The following KCNIP1 variants were observed in gnomAD, a reference collection of about 807,000 sequenced individuals.
KCNIP1 encodes the protein A-type potassium channel modulatory protein KCNIP1.
In KCNIP1, 18 loss-of-function variants were observed where a neutral mutation model predicts 33.0. The ratio of observed to expected loss-of-function variants is 0.55; its 90% CI spans 0.38 to 0.81. KCNIP1 has a LOEUF of 0.81. KCNIP1 is among the 30% of genes least tolerant of loss of function. The pLI is 0.00. For synonymous variants in KCNIP1, 93 were observed against 98.3 expected, an observed-to-expected ratio of 0.95 and a Z score of 0.32; for missense variants, 238 against 271.6, an observed-to-expected ratio of 0.88 and a Z score of 0.87.
At chr5:170,523,242 G>A (rs1033916322) in intron 1 of KCNIP1, among the ~76,000 whole-genome samples, 6 of 152,186 alleles carry the variant, frequency 3.9e-5, no homozygotes, top group Non-Finnish European at 7.3e-5. Flanking sequence ...CCTCGGCCAG[G>A]GACTGCACTC....
intron 1 of KCNIP1, among the ~76,000 whole-genome samples, chr5:170,654,314 T>C (rs569004380): frequency 2.4e-4 from 36 of 152,288 alleles, no homozygotes; most frequent in Admixed American, 5.2e-4. Context: ...TTCAGGGCCA[T>C]GGGGGATGCT....
At chr5:170,452,897 C>T (rs1427246487) in intron 1 of KCNIP1, among the ~76,000 whole-genome samples, 2 of 152,086 alleles carry the variant, frequency 1.3e-5, no homozygotes, top group African/African-American at 4.8e-5. Context: ...ATCGCTGGAT[C>T]GTTCACAGAT....
intron 1 of KCNIP1, among the ~76,000 whole-genome samples, chr5:170,391,210 G>A (rs1217924334): frequency 2.0e-5 from 3 of 152,142 alleles, no homozygotes; most frequent in Non-Finnish European, 4.4e-5. Context: ...GAAATGCCAG[G>A]CCCCCCTCCT....
chr5:170,726,438 G>T (rs1434934194), intron 5 of KCNIP1, among the ~76,000 whole-genome samples: 1 of 152,118 alleles, frequency 6.6e-6, no homozygotes, highest in African/African-American at 2.4e-5. Context: ...AAATACAATT[G>T]CACAGAATGG....
At chr5:170,456,018 A>C (rs1756362147) in intron 1 of KCNIP1, among the ~76,000 whole-genome samples, 1 of 152,248 alleles carries the variant, frequency 6.6e-6, no homozygotes, top group Non-Finnish European at 1.5e-5. Flanking sequence ...ACATATATTT[A>C]TTGAGGCACT....
At chr5:170,432,797 C>A (rs1319955282) in intron 1 of KCNIP1, among the ~76,000 whole-genome samples, 3 of 152,072 alleles carry the variant, frequency 2.0e-5, no homozygotes, top group Non-Finnish European at 4.4e-5. Flanking sequence ...AATTAATATC[C>A]CCATTTTACA....
chr5:170,366,994 G>T (rs1325866216), intron 1 of KCNIP1, among the ~76,000 whole-genome samples: 1 of 152,184 alleles, frequency 6.6e-6, no homozygotes, highest in Non-Finnish European at 1.5e-5. Flanking sequence ...CTGTGAACTT[G>T]TTGGAAGGGC....
chr5:170,707,756 C>T (rs1217498545), intron 1 of KCNIP1, among the ~76,000 whole-genome samples: 1 of 152,010 alleles, frequency 6.6e-6, no homozygotes, highest in East Asian at 1.9e-4. Context: ...ATCTTGAAAA[C>T]TCCATCTAAT....
rs78115829 is a variant in KCNIP1, at chr5:170,511,770, A to C, written c.61+7137A>C. Among the ~76,000 whole-genome samples, 4 of 152,368 alleles carry C rather than the reference A, an allele frequency of 2.6e-5. No individual in the cohort carries two copies. In the East Asian group the frequency reaches 7.7e-4, roughly 29 times the overall value. Reference sequence around the variant, plus strand: ...AAAGGGAAGTGCCTTACTAAGGGTCATAGAGCTTGGGAATCGCAGAGCCTG... The same window carrying C: ...AAAGGGAAGTGCCTTACTAAGGGTCCTAGAGCTTGGGAATCGCAGAGCCTG... On this transcript the variant is annotated intron_variant, in intron 1 of 7. Transcript: ENST00000328939.
chr5:170,478,921 AG>A (rs1756916201), intron 1 of KCNIP1, among the ~76,000 whole-genome samples: 1 of 150,130 alleles, frequency 6.7e-6, no homozygotes, highest in Admixed American at 6.6e-5. Context: ...AAAAAAAAAA[AG>A]GTTGGCCATA....
intron 1 of KCNIP1, among the ~76,000 whole-genome samples, chr5:170,589,787 G>GGT (rs1758154204): frequency 2.8e-5 from 4 of 141,926 alleles, no homozygotes; most frequent in African/African-American, 8.5e-5. Flanking sequence ...GGTGTGATGT[G>GGT]ATGTGGTGTG....
At chr5:170,388,088 C>A (rs314108) in intron 1 of KCNIP1, among the ~76,000 whole-genome samples, 1 of 152,160 alleles carries the variant, frequency 6.6e-6, no homozygotes, top group Non-Finnish European at 1.5e-5. Context: ...GGCCCCTGGG[C>A]ACTCCTGAGG....
At chr5:170,637,182 A>G (rs1457349344) in intron 1 of KCNIP1, among the ~76,000 whole-genome samples, 1 of 152,012 alleles carries the variant, frequency 6.6e-6, no homozygotes, top group Admixed American at 6.5e-5. Flanking sequence ...TGTCCTTTCC[A>G]AGCACTTCCC....
chr5:170,692,476 A>T (rs1762753462), intron 1 of KCNIP1, among the ~76,000 whole-genome samples: 1 of 152,252 alleles, frequency 6.6e-6, no homozygotes, highest in Admixed American at 6.5e-5. Context: ...AAGGGGCATG[A>T]TATTATGAGA....
intron 7 of KCNIP1, among the ~76,000 whole-genome samples, chr5:170,734,279 C>T (rs1389226545): frequency 6.6e-6 from 1 of 152,024 alleles, no homozygotes; most frequent in Non-Finnish European, 1.5e-5. Context: ...TTGTGTGATT[C>T]TCAAACCACA....
At chr5:170,553,359 A>G (rs1171989349) in intron 1 of KCNIP1, among the ~76,000 whole-genome samples, 1 of 152,214 alleles carries the variant, frequency 6.6e-6, no homozygotes, top group Non-Finnish European at 1.5e-5. Context: ...TAATTTTCAT[A>G]GCCACTTCAG....
chr5:170,484,629 T>C (rs10062351), intron 1 of KCNIP1, among the ~76,000 whole-genome samples: 23,034 of 151,494 alleles, frequency 0.15, 1,789 homozygotes, highest in East Asian at 0.3. Flanking sequence ...GCCATTCTCT[T>C]TCTCTTCTCC....
intron 1 of KCNIP1, among the ~76,000 whole-genome samples, chr5:170,636,998 C>G (rs906958699): frequency 3.9e-5 from 6 of 152,138 alleles, no homozygotes; most frequent in Admixed American, 1.3e-4. Context: ...TTGGCCCCAC[C>G]CCCAACCCAT....
At chr5:170,542,870 T>C (rs1756263816) in intron 1 of KCNIP1, among the ~76,000 whole-genome samples, 1 of 152,224 alleles carries the variant, frequency 6.6e-6, no homozygotes, top group Non-Finnish European at 1.5e-5. Flanking sequence ...CATGGGTAAC[T>C]GAAACTACGG....
Sources: gnomAD v4.1 joint callset for allele counts (sites outside exome capture counted in the v4.1 genomes callset) on GRCh38, gnomAD v4.1.1 for gene constraint, MANE v1.5 for transcripts, NCBI Gene and HGNC (gene_info 2026-07-23, HGNC 2026-07-21) for gene names.